The following AFG2A variants were observed in gnomAD, a reference collection of about 807,000 sequenced individuals.
AFG2A encodes the protein ATPase family gene 2 protein homolog A.
chr4:123,207,657 T>C, the AFG2A span, among the ~76,000 whole-genome samples: 5 of 152,010 alleles, frequency 3.3e-5, no homozygotes, highest in Non-Finnish European at 5.9e-5. Flanking sequence ...AATCTGAAAA[T>C]GAAATTAAGA....
chr4:123,167,940 A>G, the AFG2A span, among the ~76,000 whole-genome samples: 2 of 152,214 alleles, frequency 1.3e-5, no homozygotes, highest in Non-Finnish European at 2.9e-5. Flanking sequence ...TCTTGAGACT[A>G]TTTCAGCAGA....
At chr4:123,121,744 A>C in the AFG2A span, among the ~76,000 whole-genome samples, 2 of 152,206 alleles carry the variant, frequency 1.3e-5, no homozygotes, top group Non-Finnish European at 2.9e-5. Flanking sequence ...TTAAGGATGC[A>C]CTTCTCAGAA....
At chr4:123,207,285 C>CTTTT in the AFG2A span, among the ~76,000 whole-genome samples, 132 of 108,444 alleles carry the variant, frequency 1.2e-3, 2 homozygotes, top group Middle Eastern at 6.8e-3. Context: ...GTTGTGTTTC[C>CTTTT]TTTTTTTTTT....
chr4:123,197,886 A>C, the AFG2A span, among the ~76,000 whole-genome samples: 2 of 152,226 alleles, frequency 1.3e-5, no homozygotes, highest in Non-Finnish European at 2.9e-5. Context: ...TTAGAAATTA[A>C]GAGTTTTTGA....
the AFG2A span, among the ~76,000 whole-genome samples, chr4:123,169,088 A>T: frequency 1.3e-5 from 2 of 152,186 alleles, no homozygotes; most frequent in Non-Finnish European, 2.9e-5. Flanking sequence ...TGCACTTTCA[A>T]TGCAGATGGG....
chr4:123,246,441 A>G, the AFG2A span, among the ~76,000 whole-genome samples: 18 of 152,122 alleles, frequency 1.2e-4, no homozygotes, highest in African/African-American at 4.3e-4. Context: ...CTCATTAAAA[A>G]CCTGCAATTT....
At chr4:123,102,366 T>G in the AFG2A span, 1 of 151,752 alleles carries the variant, frequency 6.6e-6, no homozygotes, top group African/African-American at 2.4e-5. Flanking sequence ...AAAACCTTGC[T>G]TGACAGTTGA....
the AFG2A span, among the ~76,000 whole-genome samples, chr4:123,182,611 T>C: frequency 6.6e-6 from 1 of 152,224 alleles, no homozygotes; most frequent in African/African-American, 2.4e-5. Context: ...TTGTCTTTCC[T>C]TCTTAGTTTG....
At chr4:123,027,694 A>G in the AFG2A span, among the ~76,000 whole-genome samples, 3 of 152,136 alleles carry the variant, frequency 2.0e-5, no homozygotes, top group Non-Finnish European at 4.4e-5. Flanking sequence ...TTCTGGGGGT[A>G]TTTCTTAGTT....
chr4:122,972,953 G>A, the AFG2A span, among the ~76,000 whole-genome samples: 9 of 151,928 alleles, frequency 5.9e-5, no homozygotes, highest in Non-Finnish European at 8.8e-5. Flanking sequence ...TTTGTTTTTC[G>A]TATCTTCTGG....
chr4:123,174,478 T>A, the AFG2A span, among the ~76,000 whole-genome samples: 1 of 152,294 alleles, frequency 6.6e-6, no homozygotes, highest in African/African-American at 2.4e-5. Flanking sequence ...AAAAGTTTCT[T>A]AGATAGCTAA....
the AFG2A span, among the ~76,000 whole-genome samples, chr4:123,075,190 C>T: frequency 6.6e-6 from 1 of 152,044 alleles, no homozygotes; most frequent in Non-Finnish European, 1.5e-5. Context: ...GTGATCCGCC[C>T]ACCTTAGCCT....
At chr4:123,100,855 TA>T in the AFG2A span, among the ~76,000 whole-genome samples, 2 of 151,964 alleles carry the variant, frequency 1.3e-5, no homozygotes, top group Non-Finnish European at 2.9e-5. Context: ...CCTCCAAAAT[TA>T]GCTCCTCTAA....
the AFG2A span, among the ~76,000 whole-genome samples, chr4:123,123,506 GA>G: frequency 5.3e-5 from 8 of 152,022 alleles, no homozygotes; most frequent in Admixed American, 3.3e-4. Flanking sequence ...GTAACATTCA[GA>G]ATGTGTAGTC....
chr4:123,221,494 A>T, the AFG2A span, among the ~76,000 whole-genome samples: 1 of 152,198 alleles, frequency 6.6e-6, no homozygotes, highest in Non-Finnish European at 1.5e-5. Context: ...GATTTTGAAG[A>T]CTATTCAAAA....
chr4:123,145,033 A>G, the AFG2A span, among the ~76,000 whole-genome samples: 9 of 152,174 alleles, frequency 5.9e-5, no homozygotes, highest in Non-Finnish European at 1.2e-4. Flanking sequence ...ATGACTTTAC[A>G]TTGCTGTTTA....
At chr4:123,158,593 A>G in the AFG2A span, among the ~76,000 whole-genome samples, 1 of 152,210 alleles carries the variant, frequency 6.6e-6, no homozygotes, top group African/African-American at 2.4e-5. Context: ...GGGCTCCCCA[A>G]AGAACTTCGG....
chr4:122,991,690 T>C, the AFG2A span, among the ~76,000 whole-genome samples: 5 of 152,210 alleles, frequency 3.3e-5, no homozygotes, highest in Non-Finnish European at 7.3e-5. Flanking sequence ...TAAGGACTTA[T>C]TGGTAGCTTA....
At chr4:123,287,361 C>T in the AFG2A span, among the ~76,000 whole-genome samples, 1 of 152,198 alleles carries the variant, frequency 6.6e-6, no homozygotes, top group Non-Finnish European at 1.5e-5. Flanking sequence ...ACTGAACCTA[C>T]ATGAACACAT....
Sources: allele counts gnomAD v4.1 joint callset (sites outside exome capture counted in the v4.1 genomes callset), GRCh38; gene constraint gnomAD v4.1.1; transcripts MANE v1.5; gene names NCBI Gene and HGNC (gene_info 2026-07-23, HGNC 2026-07-21).